PREPL: variants seen among roughly 807,000 people sequenced by gnomAD.
PREPL encodes the protein prolyl endopeptidase like.
In PREPL, 77 loss-of-function variants were observed where a neutral mutation model predicts 70.6. The observed-to-expected ratio is 1.09, with a 90% CI of 0.91 to 1.32. The LOEUF (loss-of-function observed/expected upper bound fraction) is 1.32, where lower values mean the gene tolerates loss of function less well. Among genes scored for constraint, PREPL ranks in the 40% most tolerant of loss-of-function variants. PREPL has a pLI of 0.00. For synonymous variants in PREPL, 315 were observed against 264.8 expected, an observed-to-expected ratio of 1.19 and a Z score of -1.84; for missense variants, 1,002 against 778.2, an observed-to-expected ratio of 1.29 and a Z score of -3.42.
chr2:44,344,510 T>A lies in PREPL; in HGVS notation c.142+10A>T. The A allele has an allele frequency of 6.5e-7, 1 of 1,549,340 alleles. No individual in the cohort carries two copies. Among genetic ancestry groups the A allele is most frequent in the African/African-American group, 1.4e-5 (1 of 72,272 alleles). ...AATTAGAGCACGTAAAAAGAAAAAT[T>A]GTGGTGTACCTTCTTCATCTTTGGA... On this transcript the variant is annotated intron_variant, in intron 3 of 13. Transcript: ENST00000409411.
chr2:44,331,735 T>C (rs1674114858), intron 8 of PREPL, among the ~76,000 whole-genome samples: 1 of 152,110 alleles, frequency 6.6e-6, no homozygotes, highest in Non-Finnish European at 1.5e-5. Flanking sequence ...AGTACATTAT[T>C]AATGACTTTT....
intron 5 of PREPL, among the ~76,000 whole-genome samples, chr2:44,340,246 A>G (rs1013975900): frequency 3.9e-5 from 6 of 152,078 alleles, no homozygotes; most frequent in Admixed American, 1.3e-4. Context: ...ATATTCATGA[A>G]GATATTTTCC....
intron 1 of PREPL, 130 bp downstream of exon 1, chr2:44,361,237 TGCAACAGGGAGAG>T (rs1180888171): frequency 2.0e-5 from 3 of 151,458 alleles, no homozygotes; most frequent in African/African-American, 7.3e-5. Context: ...GCGATCTGAA[TGCAACAGGGAGAG>T]GGACCAGGTG....
chr2:44,320,444 G>T lies in PREPL; in HGVS notation c.*912C>A. 1 of 1,614,088 alleles carries T rather than the reference G, an allele frequency of 6.2e-7. No homozygotes were observed. On this transcript the variant is annotated 3_prime_UTR_variant, in exon 14 of 14. Coordinates refer to ENST00000409411, the MANE Select transcript of PREPL (RefSeq NM_001171613.2). ...GCCTTCCCGCTAAAATGAGAATAAG[G>T]TTAAGTACCAATTCTGCCGACAAAG...
At chr2:44,325,386 T>C (rs1012586352) in intron 10 of PREPL, among the ~76,000 whole-genome samples, 12 of 152,230 alleles carry the variant, frequency 7.9e-5, no homozygotes, top group East Asian at 1.9e-4. Flanking sequence ...AATAGTTTCA[T>C]TGGGCCAATT....
In PREPL at chr2:44,320,682, T is replaced by A. The variant is rs201758843; in HGVS notation, c.*674A>T. 546 of 1,411,802 alleles carry A rather than the reference T, an allele frequency of 3.9e-4. 2 individuals are homozygous for A. Among genetic ancestry groups the A allele is most frequent in the Middle Eastern group, 1.8e-3 (10 of 5,648 alleles). The allele number at this position is 1,411,802 out of a possible 1,614,324, so 87.5% of individuals were successfully genotyped here. A position where few individuals can be genotyped will look rare whatever the true frequency, so the allele number is the denominator to read the frequency against. ...TGAAGACACTGGCATTTCAGTGGGA[T>A]TGTAAGCATTTGTAATAGCTTCATG... is the stretch of plus-strand genomic sequence containing the variant. On this transcript the variant is annotated 3_prime_UTR_variant, in exon 14 of 14. Transcript: ENST00000409411.
intron 11 of PREPL, 62 bp downstream of exon 11, chr2:44,323,200 G>A: frequency 7.7e-7 from 1 of 1,297,282 alleles, no homozygotes. Context: ...GCTTGGATAA[G>A]TTTTTTTTTT....
intron 12 of PREPL, 29 bp downstream of exon 12, chr2:44,322,702 A>C: frequency 6.2e-7 from 1 of 1,606,770 alleles, no homozygotes; most frequent in Non-Finnish European, 8.5e-7. Context: ...CTGTTTGGCC[A>C]TGTTCCCTGC....
At position 44,320,633 on chromosome 2, in the gene PREPL, G is replaced by C. The variant is rs773635956; in HGVS notation, c.*723C>G. The stretch of plus-strand genomic sequence containing the variant: ...GTGTACTGAACATACTGTATACCTC[G>C]TGTTAGGCACCTTTATGAAGAGATG... On this transcript the variant is annotated 3_prime_UTR_variant, in exon 14 of 14. Transcript: ENST00000409411. The C allele has an allele frequency of 5.6e-6, 9 of 1,612,952 alleles. No individual in the cohort carries two copies. Among genetic ancestry groups the C allele is most frequent in the African/African-American group, 1.3e-5 (1 of 74,828 alleles).
Position 44,329,050 on chromosome 2 carries a change from T to G in PREPL, c.1149A>C (p.Lys383Asn). 1 of 1,612,726 alleles carries G rather than the reference T, an allele frequency of 6.2e-7. No individual in the cohort carries two copies. The highest frequency in any genetic ancestry group is 8.5e-7 in the Non-Finnish European group (1 of 1,178,938). ...HKTDSEDLQK[K>N]PLLVHVYGAY... ...CTCCATATACATGTACCAAGAGAGGTTTCTTCTGCAAGTCCTCAGAGTCAG... is the reference window on the plus strand; with the variant it reads ...CTCCATATACATGTACCAAGAGAGGGTTCTTCTGCAAGTCCTCAGAGTCAG... The change falls in exon 9 of 14, where the codon AAA (lysine) becomes AAC (asparagine). Residue 383 changes from lysine to asparagine, a missense_variant. By Grantham distance (94) the Lys-to-Asn change is moderately conservative (BLOSUM62 0). Transcript: ENST00000409411.
intron 7 of PREPL, among the ~76,000 whole-genome samples, chr2:44,335,027 G>A (rs987235690): frequency 6.6e-6 from 1 of 152,190 alleles, no homozygotes; most frequent in African/African-American, 2.4e-5. Flanking sequence ...CATAAAAAGG[G>A]TCTGATCTAT....
At chr2:44,343,156 A>G (rs932631670) in intron 4 of PREPL, among the ~76,000 whole-genome samples, 6 of 152,222 alleles carry the variant, frequency 3.9e-5, no homozygotes, top group African/African-American at 1.4e-4. Context: ...TTCAATAGTT[A>G]GGGTATAATT....
intron 1 of PREPL, chr2:44,359,931 A>C (rs1677495652): frequency 3.9e-6 from 2 of 513,734 alleles, no homozygotes; most frequent in East Asian, 3.2e-5. Flanking sequence ...TTAAAGTTTC[A>C]TTCAAATCAT....
At chr2:44,323,912 A>G (rs1452870706) in intron 10 of PREPL, among the ~76,000 whole-genome samples, 1 of 152,184 alleles carries the variant, frequency 6.6e-6, no homozygotes, top group African/African-American at 2.4e-5. Flanking sequence ...TGATCCAGCA[A>G]TTCCACTCCT....
chr2:44,359,526 T>C (rs1168683371), intron 1 of PREPL: 2 of 1,612,888 alleles, frequency 1.2e-6, no homozygotes, highest in Admixed American at 1.7e-5. Flanking sequence ...CTTGGGATGT[T>C]TCTTGCTAAC....
chr2:44,351,615 T>C (rs181645358), intron 1 of PREPL, among the ~76,000 whole-genome samples: 2 of 152,164 alleles, frequency 1.3e-5, no homozygotes, highest in African/African-American at 4.8e-5. Flanking sequence ...AACATTACAG[T>C]TGGATTTGTC....
upstream of PREPL, chr2:44,361,496 T>TAAAAAA: frequency 6.5e-6 from 1 of 153,336 alleles, no homozygotes; most frequent in South Asian, 2.0e-4. Flanking sequence ...GAAGTCTGCG[T>TAAAAAA]TCCGCAGCCC....
chr2:44,331,946 CTTTTTT>C (rs35003986), intron 8 of PREPL, among the ~76,000 whole-genome samples: 3 of 121,690 alleles, frequency 2.5e-5, no homozygotes, highest in Non-Finnish European at 5.2e-5. Context: ...TATAAATTTT[CTTTTTT>C]TTTTTTTTTT....
At chr2:44,359,121 T>G (rs1256103277) in intron 1 of PREPL, among the ~76,000 whole-genome samples, 2 of 144,936 alleles carry the variant, frequency 1.4e-5, no homozygotes, top group Admixed American at 1.4e-4. Flanking sequence ...CAGGCTGGAG[T>G]GCTGTGGTGC....
Sources: gnomAD v4.1 joint callset for allele counts (sites outside exome capture counted in the v4.1 genomes callset) on GRCh38, gnomAD v4.1.1 for gene constraint, MANE v1.5 for transcripts, NCBI Gene and HGNC (gene_info 2026-07-23, HGNC 2026-07-21) for gene names.